MSRA: variants seen among roughly 807,000 people sequenced by gnomAD.
MSRA encodes the protein mitochondrial peptide methionine sulfoxide reductase.
MSRA carries 54 observed loss-of-function variants against 31.3 expected under a neutral mutation model. The observed-to-expected ratio is 1.73, with a 90% CI of 1.39 to 2.17. The LOEUF (loss-of-function observed/expected upper bound fraction) is 2.17, where lower values mean the gene tolerates loss of function less well. MSRA is among the 30% of genes most tolerant of loss of function. The probability of loss-of-function intolerance (pLI) is 0.00; values close to 1 mark genes in which losing one functional copy is unlikely to be tolerated. For synonymous variants in MSRA, 169 were observed against 116.5 expected, an observed-to-expected ratio of 1.45 and a Z score of -2.90; for missense variants, 507 against 300.9, an observed-to-expected ratio of 1.69 and a Z score of -5.07.
intron 4 of MSRA, among the ~76,000 whole-genome samples, chr8:10,316,773 A>C (rs1801751595): frequency 6.6e-6 from 1 of 152,218 alleles, no homozygotes; most frequent in African/African-American, 2.4e-5. Flanking sequence ...AAGGTGCACC[A>C]GGAGGTGTCA....
chr8:10,371,074 C>T (rs751659175), intron 5 of MSRA, among the ~76,000 whole-genome samples: 3 of 152,298 alleles, frequency 2.0e-5, no homozygotes, highest in Admixed American at 1.3e-4. Context: ...CCATGCTAAC[C>T]CACTGCACCC....
At chr8:10,298,945 C>G (rs984868309) in intron 3 of MSRA, among the ~76,000 whole-genome samples, 1 of 152,128 alleles carries the variant, frequency 6.6e-6, no homozygotes, top group Non-Finnish European at 1.5e-5. Context: ...AAATGAGCGT[C>G]TTTGTGGCTC....
At chr8:10,193,781 G>A (rs572371126) in intron 1 of MSRA, among the ~76,000 whole-genome samples, 3 of 152,300 alleles carry the variant, frequency 2.0e-5, no homozygotes, top group African/African-American at 4.8e-5. Context: ...AATTAGCCAT[G>A]GGACCAAGTC....
At chr8:10,208,152 T>C (rs1809164478) in intron 2 of MSRA, among the ~76,000 whole-genome samples, 1 of 152,232 alleles carries the variant, frequency 6.6e-6, no homozygotes, top group Non-Finnish European at 1.5e-5. Flanking sequence ...CTATTTCTTA[T>C]GTCCACACTG....
At chr8:10,145,797 C>G (rs1470016222) in intron 1 of MSRA, among the ~76,000 whole-genome samples, 1 of 152,144 alleles carries the variant, frequency 6.6e-6, no homozygotes, top group African/African-American at 2.4e-5. Context: ...CACACATACA[C>G]ACACAGATGT....
intron 1 of MSRA, among the ~76,000 whole-genome samples, chr8:10,120,066 G>A (rs1261221243): frequency 6.6e-6 from 1 of 152,152 alleles, no homozygotes; most frequent in East Asian, 1.9e-4. Flanking sequence ...TGTGGAAAGA[G>A]GGCTGGGGGA....
intron 1 of MSRA, among the ~76,000 whole-genome samples, chr8:10,115,399 G>T (rs186503665): frequency 2.0e-5 from 3 of 152,334 alleles, no homozygotes; most frequent in East Asian, 1.9e-4. Flanking sequence ...AATGGCAGGG[G>T]CCACTAGAAG....
intron 1 of MSRA, among the ~76,000 whole-genome samples, chr8:10,054,883 A>T (rs1260468471): frequency 1.3e-5 from 2 of 152,252 alleles, no homozygotes; most frequent in African/African-American, 2.4e-5. Context: ...TCTGGAGCCA[A>T]ACTGGGCATT....
rs140168905 is a variant in MSRA at position 10,242,975 on chromosome 8, G to T, written c.212-2129G>T. Among the ~76,000 whole-genome samples, 19 of 152,188 alleles carry T rather than the reference G, an allele frequency of 1.2e-4. No individual in the cohort carries two copies. In the East Asian group the frequency reaches 3.1e-3, roughly 25 times the overall value. ...GGTCATTCATCCTCCTCCTCATGGGGTCATTTCTTGATCCCTATTAAGCAT... is the reference window on the plus strand; with the variant it reads ...GGTCATTCATCCTCCTCCTCATGGGTTCATTTCTTGATCCCTATTAAGCAT... On this transcript the variant is annotated intron_variant, in intron 2 of 5. Transcript: ENST00000317173.
intron 5 of MSRA, among the ~76,000 whole-genome samples, chr8:10,369,028 A>G (rs1805327309): frequency 6.6e-6 from 1 of 152,204 alleles, no homozygotes; most frequent in Non-Finnish European, 1.5e-5. Context: ...CTGAAGTCCA[A>G]AAGCTAAAAG....
chr8:10,084,689 G>A (rs1798465636), intron 1 of MSRA, among the ~76,000 whole-genome samples: 1 of 152,224 alleles, frequency 6.6e-6, no homozygotes, highest in Admixed American at 6.5e-5. Context: ...ATTATTTTAT[G>A]AAGATTAAAT....
intron 1 of MSRA, among the ~76,000 whole-genome samples, chr8:10,189,628 G>A (rs1807345331): frequency 6.6e-6 from 1 of 152,058 alleles, no homozygotes; most frequent in Non-Finnish European, 1.5e-5. Flanking sequence ...AGTTAATATG[G>A]TAAATGACAT....
rs116110042 is a variant in MSRA, at chr8:10,345,725, G to A, written c.543+25736G>A. On this transcript the variant is annotated intron_variant, in intron 5 of 5. Transcript: ENST00000317173. ...TGAGAAGTGCGTTATTCGGGTTTCT[G>A]TTTCTTTTCTGGTGTTTTAAGCTCA... is the stretch of plus-strand genomic sequence containing the variant. 5.2e-3 allele frequency among the ~76,000 whole-genome samples: 790 copies of A among 152,292 alleles called. 9 individuals carry two copies. The highest frequency in any genetic ancestry group is 0.018 in the African/African-American group (736 of 41,550).
chr8:10,224,305 A>G (rs1334440005), intron 2 of MSRA, among the ~76,000 whole-genome samples: 1 of 152,198 alleles, frequency 6.6e-6, no homozygotes, highest in East Asian at 1.9e-4. Flanking sequence ...GCATGTTAGA[A>G]TGATTGCTCC....
intron 3 of MSRA, among the ~76,000 whole-genome samples, chr8:10,273,980 A>G (rs756593303): frequency 6.6e-6 from 1 of 152,072 alleles, no homozygotes; most frequent in African/African-American, 2.4e-5. Flanking sequence ...AGAGAGTTGT[A>G]CCCTGCAGGG....
intron 5 of MSRA, among the ~76,000 whole-genome samples, chr8:10,419,732 C>G (rs1019190503): frequency 5.9e-5 from 9 of 152,134 alleles, no homozygotes. Flanking sequence ...GTGTTTAGAG[C>G]GTATATCTCT....
chr8:10,259,242 A>T (rs1397595072), intron 3 of MSRA, among the ~76,000 whole-genome samples: 1 of 152,230 alleles, frequency 6.6e-6, no homozygotes, highest in Non-Finnish European at 1.5e-5. Context: ...AGGGAATTTT[A>T]AACTCTAGCA....
At chr8:10,170,425 C>T (rs1805494819) in intron 1 of MSRA, among the ~76,000 whole-genome samples, 1 of 152,122 alleles carries the variant, frequency 6.6e-6, no homozygotes, top group Admixed American at 6.5e-5. Context: ...GGAAGCAGGT[C>T]CTCAGCAGAC....
In MSRA at chr8:10,253,634, T is replaced by G. The variant is rs188557611; in HGVS notation, c.331+8411T>G. ...AAGGGAGATTAAGAGGAATTTGATA[T>G]AGCAAGCAGTTTTTAAAACATAATT... On this transcript the variant is annotated intron_variant, in intron 3 of 5. Coordinates refer to ENST00000317173, the MANE Select transcript of MSRA (RefSeq NM_012331.5). Among the ~76,000 whole-genome samples the G allele has an allele frequency of 1.0e-3, 157 of 152,336 alleles. 2 individuals are homozygous for G. The Middle Eastern group carries it at 0.014, about 13-fold the overall frequency.
Sources: allele counts gnomAD v4.1 joint callset (sites outside exome capture counted in the v4.1 genomes callset), GRCh38; gene constraint gnomAD v4.1.1; transcripts MANE v1.5; gene names NCBI Gene and HGNC (gene_info 2026-07-23, HGNC 2026-07-21).